Variants in DAAM1 observed in about 807,000 individuals in gnomAD.
The protein encoded by DAAM1 is dishevelled associated activator of morphogenesis 1, also known as disheveled-associated activator of morphogenesis 1.
DAAM1 carries 52 observed loss-of-function variants against 130.0 expected under a neutral mutation model. The observed-to-expected ratio is 0.40, with a 90% confidence interval of 0.32 to 0.50. The LOEUF (loss-of-function observed/expected upper bound fraction) is 0.50, where lower values mean the gene tolerates loss of function less well. DAAM1 is among the 20% of genes least tolerant of loss of function. The pLI is 0.61. For missense variants in DAAM1, 1,134 were observed against 1,303.8 expected (o/e 0.87, Z 2.01); for synonymous variants, 452 against 444.5 (o/e 1.02, Z -0.21).
intron 18 of DAAM1, 119 bp downstream of exon 18, chr14:59,352,751 A>C (rs1315907531): frequency 2.4e-6 from 2 of 849,232 alleles, no homozygotes; most frequent in Non-Finnish European, 3.6e-6. Context: ...AAGCTTTTTC[A>C]TTCTAAAAAT....
intron 20 of DAAM1, among the ~76,000 whole-genome samples, chr14:59,357,979 T>C (rs1484728703): frequency 6.6e-6 from 1 of 152,218 alleles, no homozygotes; most frequent in Admixed American, 6.5e-5. Flanking sequence ...CTCTGATTCA[T>C]TTTGGTTAGA....
chr14:59,294,584 C>A (rs984335654), intron 3 of DAAM1, among the ~76,000 whole-genome samples: 7 of 147,354 alleles, frequency 4.8e-5, no homozygotes, highest in Non-Finnish European at 1.0e-4. Flanking sequence ...TTTTTACTTT[C>A]ATGAAAGGTC....
chr14:59,358,558 G>A (rs10142139), intron 20 of DAAM1, among the ~76,000 whole-genome samples: 103,407 of 152,052 alleles, frequency 0.68, 35,867 homozygotes, highest in East Asian at 0.85. Flanking sequence ...AAAACTATCA[G>A]TAGGCCAGAC....
intron 3 of DAAM1, among the ~76,000 whole-genome samples, chr14:59,309,886 C>G (rs1249813012): frequency 1.3e-5 from 2 of 152,174 alleles, no homozygotes; most frequent in African/African-American, 2.4e-5. Context: ...GTTGCTTGGA[C>G]CTGGTCTTAT....
intron 1 of DAAM1, among the ~76,000 whole-genome samples, chr14:59,198,613 A>G (rs1887990117): frequency 6.6e-6 from 1 of 152,202 alleles, no homozygotes; most frequent in South Asian, 2.1e-4. Context: ...TGCTTCTGTT[A>G]GGGGATAAAG....
chr14:59,347,757 A>G, intron 17 of DAAM1, 134 bp downstream of exon 17: 1 of 777,294 alleles, frequency 1.3e-6, no homozygotes, highest in Admixed American at 2.5e-5. Flanking sequence ...CCAAGTTCCC[A>G]TGTGACTCTG....
chr14:59,297,921 G>A (rs188043438), intron 3 of DAAM1, among the ~76,000 whole-genome samples: 1 of 152,120 alleles, frequency 6.6e-6, no homozygotes, highest in Non-Finnish European at 1.5e-5. Context: ...GATAAGGGGG[G>A]ACTACTGTGT....
chr14:59,342,326 G>A (rs963522379), intron 16 of DAAM1, among the ~76,000 whole-genome samples: 1 of 152,190 alleles, frequency 6.6e-6, no homozygotes, highest in African/African-American at 2.4e-5. Context: ...GGATGATTCA[G>A]TGCCCCGTCC....
intron 1 of DAAM1, among the ~76,000 whole-genome samples, chr14:59,206,469 G>A (rs1444613224): frequency 6.6e-6 from 1 of 151,986 alleles, no homozygotes; most frequent in African/African-American, 2.4e-5. Context: ...TAGAGACAGG[G>A]TTTTACCGTG....
intron 1 of DAAM1, 34 bp downstream of exon 1, chr14:59,188,802 C>G (rs1887633064): frequency 6.5e-6 from 1 of 152,994 alleles, no homozygotes; most frequent in Non-Finnish European, 1.5e-5. Context: ...CCGCCGCACT[C>G]ATTCATTAAG....
intron 1 of DAAM1, among the ~76,000 whole-genome samples, chr14:59,228,454 A>G (rs750895249): frequency 1.4e-4 from 22 of 152,246 alleles, no homozygotes; most frequent in Non-Finnish European, 2.6e-4. Flanking sequence ...TATTTTTACT[A>G]TTGGTTGAAA....
chr14:59,367,472 T>C lies in DAAM1; in HGVS notation c.2870T>C (p.Ile957Thr). Residue 957 changes from isoleucine to threonine, a missense_variant, in exon 24 of 25, where the codon ATA becomes ACA. By Grantham distance (89) the Ile-to-Thr change is moderately conservative (BLOSUM62 -1). Coordinates refer to ENST00000360909, the MANE Select transcript of DAAM1 (RefSeq NM_001270520.2). ...CACTTTGGGGAAGAGGCTGGCAAAATACAACCAGATGAGTTCTTTGGCATT... is the reference window on the plus strand; with the variant it reads ...CACTTTGGGGAAGAGGCTGGCAAAACACAACCAGATGAGTTCTTTGGCATT... ...VKHFGEEAGK[I>T]QPDEFFGIFD... The C allele has an allele frequency of 6.2e-7, 1 of 1,613,662 alleles. No individual in the cohort carries two copies. Among genetic ancestry groups the C allele is most frequent in the South Asian group, 1.1e-5 (1 of 91,002 alleles).
intron 1 of DAAM1, among the ~76,000 whole-genome samples, chr14:59,210,145 A>G (rs1338797548): frequency 6.6e-6 from 1 of 152,090 alleles, no homozygotes; most frequent in Non-Finnish European, 1.5e-5. Flanking sequence ...CTGTCTCTAA[A>G]ACAAACAAAC....
intron 16 of DAAM1, among the ~76,000 whole-genome samples, chr14:59,341,786 T>C (rs186510655): frequency 6.6e-6 from 1 of 152,320 alleles, no homozygotes; most frequent in African/African-American, 2.4e-5. Flanking sequence ...GGGAAAGTTG[T>C]GGAGTTTTTT....
chr14:59,307,335 T>A (rs1884413948), intron 3 of DAAM1, among the ~76,000 whole-genome samples: 1 of 152,242 alleles, frequency 6.6e-6, no homozygotes, highest in Non-Finnish European at 1.5e-5. Context: ...TCAAACATCA[T>A]GATGCTAATC....
intron 3 of DAAM1, among the ~76,000 whole-genome samples, chr14:59,308,070 A>G (rs1410901492): frequency 2.0e-5 from 3 of 152,244 alleles, no homozygotes; most frequent in Admixed American, 6.5e-5. Context: ...TGTGAGGACT[A>G]TCAGGAGAGT....
chr14:59,216,936 T>A (rs1888600331), intron 1 of DAAM1, among the ~76,000 whole-genome samples: 1 of 152,062 alleles, frequency 6.6e-6, no homozygotes, highest in African/African-American at 2.4e-5. Context: ...TTTTTACTTG[T>A]TTGTAGCCCA....
chr14:59,303,411 T>C (rs1281443351), intron 3 of DAAM1, among the ~76,000 whole-genome samples: 1 of 152,224 alleles, frequency 6.6e-6, no homozygotes, highest in Non-Finnish European at 1.5e-5. Flanking sequence ...AACACAGTAG[T>C]TGTGCTAGAG....
chr14:59,363,345 T>A (rs1351617163), intron 22 of DAAM1: 1 of 229,218 alleles, frequency 4.4e-6, no homozygotes, highest in Non-Finnish European at 8.6e-6. Context: ...TTTGTTTAAC[T>A]TCTATTAATT....
Sources: gnomAD v4.1 joint callset for allele counts (sites outside exome capture counted in the v4.1 genomes callset) on GRCh38, gnomAD v4.1.1 for gene constraint, MANE v1.5 for transcripts, NCBI Gene and HGNC (gene_info 2026-07-23, HGNC 2026-07-21) for gene names.